The following CMSS1 variants were observed in gnomAD, a reference collection of about 807,000 sequenced individuals.
CMSS1 encodes the protein protein CMSS1.
Under a neutral mutation model 43.5 loss-of-function variants are expected in CMSS1, and 33 were observed. That is an observed-to-expected ratio of 0.76 (90% CI 0.57 to 1.01). The LOEUF (loss-of-function observed/expected upper bound fraction) is 1.01, where lower values mean the gene tolerates loss of function less well. Ranked by LOEUF, CMSS1 falls within the 50% of genes least tolerant of loss-of-function variation. The probability of loss-of-function intolerance (pLI) is 0.00; values close to 1 mark genes in which losing one functional copy is unlikely to be tolerated. For synonymous variants in CMSS1, 115 were observed against 117.2 expected (o/e 0.98, Z 0.12); for missense variants, 313 against 326.4 (o/e 0.96, Z 0.32).
chr3:100,103,401 G>A (rs1411818052), intron 1 of CMSS1, among the ~76,000 whole-genome samples: 2 of 152,218 alleles, frequency 1.3e-5, no homozygotes, highest in East Asian at 3.8e-4. Flanking sequence ...ACAAGTACTG[G>A]CATGAAAGCA....
chr3:99,830,210 C>G (rs924650123), intron 1 of CMSS1: 16 of 292,246 alleles, frequency 5.5e-5, no homozygotes, highest in African/African-American at 3.5e-4. Context: ...TGGGTCTAGG[C>G]CTGCGAGTGT....
chr3:100,074,792 C>T (rs1276191714), intron 1 of CMSS1, among the ~76,000 whole-genome samples: 2 of 139,612 alleles, frequency 1.4e-5, no homozygotes, highest in South Asian at 4.7e-4. Context: ...CTACTGGGTT[C>T]AAGCGATTCT....
intron 1 of CMSS1, among the ~76,000 whole-genome samples, chr3:99,859,779 T>TA (rs11378627): frequency 1 from 151,867 of 152,282 alleles, 75,728 homozygotes; most frequent in Middle Eastern, 1. Context: ...TAAATTTTGG[T>TA]ATCAGGCCTA....
chr3:100,057,227 C>T (rs918206093), intron 1 of CMSS1, among the ~76,000 whole-genome samples: 6 of 152,154 alleles, frequency 3.9e-5, no homozygotes, highest in African/African-American at 1.4e-4. Flanking sequence ...AGACCCGTCC[C>T]GTTCTAATAT....
chr3:100,145,262 G>A (rs201388309), intron 1 of CMSS1, among the ~76,000 whole-genome samples: 93 of 152,130 alleles, frequency 6.1e-4, no homozygotes, highest in Admixed American at 1.8e-3. Flanking sequence ...CTAACATGGC[G>A]AATCCCTGCC....
At chr3:99,900,658 A>G (rs1381584666) in intron 1 of CMSS1, among the ~76,000 whole-genome samples, 1 of 152,200 alleles carries the variant, frequency 6.6e-6, no homozygotes, top group Non-Finnish European at 1.5e-5. Context: ...TAAAGTACCA[A>G]ATGGGCTGAT....
chr3:99,944,124 C>T (rs536917547), intron 1 of CMSS1, among the ~76,000 whole-genome samples: 4 of 152,276 alleles, frequency 2.6e-5, no homozygotes, highest in African/African-American at 7.2e-5. Context: ...GAGGAGAGTA[C>T]ATTACTCAGG....
At chr3:100,153,390 A>T (rs2066939601) in intron 2 of CMSS1, among the ~76,000 whole-genome samples, 1 of 152,158 alleles carries the variant, frequency 6.6e-6, no homozygotes, top group Non-Finnish European at 1.5e-5. Flanking sequence ...ACTTCTTTTT[A>T]TCGCTGAGCA....
intron 1 of CMSS1, among the ~76,000 whole-genome samples, chr3:99,874,638 C>CA (rs1489841015): frequency 6.6e-6 from 1 of 151,880 alleles, no homozygotes; most frequent in East Asian, 1.9e-4. Context: ...TTAGCAAAAA[C>CA]AAAAAAACTG....
chr3:99,849,158 C>A, intron 1 of CMSS1: 1 of 1,614,172 alleles, frequency 6.2e-7, no homozygotes, highest in Non-Finnish European at 8.5e-7. Context: ...GATCCCTCAT[C>A]ATTAGGGTCC....
At chr3:99,851,745 T>G (rs193193058) in intron 1 of CMSS1, among the ~76,000 whole-genome samples, 52 of 152,348 alleles carry the variant, frequency 3.4e-4, no homozygotes, top group Admixed American at 6.5e-4. Context: ...GTCACATTGC[T>G]TAGAAGTTAT....
chr3:100,108,423 T>C (rs1324304007), intron 1 of CMSS1, among the ~76,000 whole-genome samples: 1 of 152,172 alleles, frequency 6.6e-6, no homozygotes, highest in Admixed American at 6.5e-5. Flanking sequence ...TTATCTGCAT[T>C]TTATGGCTGA....
At chr3:99,942,892 G>A (rs1707894013) in intron 1 of CMSS1, among the ~76,000 whole-genome samples, 1 of 152,044 alleles carries the variant, frequency 6.6e-6, no homozygotes, top group South Asian at 2.1e-4. Flanking sequence ...TGCCATGGGG[G>A]AAAGGGGAGA....
At chr3:99,818,806 C>T (rs764039326) in intron 1 of CMSS1, among the ~76,000 whole-genome samples, 10 of 152,228 alleles carry the variant, frequency 6.6e-5, no homozygotes, top group Non-Finnish European at 1.5e-4. Flanking sequence ...CTACTATGCT[C>T]TGCTGTGTTT....
intron 1 of CMSS1, among the ~76,000 whole-genome samples, chr3:99,868,904 C>A (rs1428342634): frequency 6.6e-6 from 1 of 152,144 alleles, no homozygotes; most frequent in East Asian, 1.9e-4. Flanking sequence ...GTACTGCTTT[C>A]TAATTTGTTT....
chr3:100,128,890 C>A (rs1053708742), intron 1 of CMSS1, among the ~76,000 whole-genome samples: 1 of 152,132 alleles, frequency 6.6e-6, no homozygotes, highest in Non-Finnish European at 1.5e-5. Context: ...ATCGTTTATC[C>A]GTTCTCTCTT....
At chr3:99,882,135 G>T (rs781571071) in intron 1 of CMSS1, among the ~76,000 whole-genome samples, 16 of 152,088 alleles carry the variant, frequency 1.1e-4, no homozygotes, top group Non-Finnish European at 2.2e-4. Flanking sequence ...CATTGAAATG[G>T]TCCTAGAAAG....
chr3:100,095,993 T>C (rs531862703), intron 1 of CMSS1, among the ~76,000 whole-genome samples: 40 of 152,094 alleles, frequency 2.6e-4, no homozygotes, highest in Non-Finnish European at 4.9e-4. Flanking sequence ...AACGAAGACA[T>C]ACAGATGACA....
At chr3:100,172,830 T>C (rs1378482737) in intron 8 of CMSS1, among the ~76,000 whole-genome samples, 1 of 152,244 alleles carries the variant, frequency 6.6e-6, no homozygotes, top group Non-Finnish European at 1.5e-5. Flanking sequence ...ATAATAGTTC[T>C]TCCCAAATGT....
Sources: gnomAD v4.1 joint callset for allele counts (sites outside exome capture counted in the v4.1 genomes callset) on GRCh38, gnomAD v4.1.1 for gene constraint, MANE v1.5 for transcripts, NCBI Gene and HGNC (gene_info 2026-07-23, HGNC 2026-07-21) for gene names.